The following RPGRIP1 variants were observed in gnomAD, a reference collection of about 807,000 sequenced individuals.
RPGRIP1 encodes RPGR interacting protein 1.
In RPGRIP1, 128 loss-of-function variants were observed where a neutral mutation model predicts 157.9. The ratio of observed to expected loss-of-function variants is 0.81; its 90% CI spans 0.70 to 0.94. RPGRIP1 has a LOEUF of 0.94. RPGRIP1 is among the 40% of genes least tolerant of loss of function. RPGRIP1 has a pLI of 0.00. For synonymous variants in RPGRIP1, 554 were observed against 571.6 expected (o/e 0.97, Z 0.44); for missense variants, 1,486 against 1,545.8 (o/e 0.96, Z 0.65).
At chr14:21,329,101 G>C (rs1057247618) in intron 19 of RPGRIP1, among the ~76,000 whole-genome samples, 1 of 145,834 alleles carries the variant, frequency 6.9e-6, no homozygotes, top group African/African-American at 2.6e-5. Context: ...CTAAGATCGC[G>C]CCATTGCACT....
chr14:21,324,734 C>G lies in RPGRIP1; in HGVS notation c.1879C>G (p.Leu627Val). 1 of 1,614,018 alleles carries G rather than the reference C, an allele frequency of 6.2e-7. No homozygotes were observed. The highest frequency in any genetic ancestry group is 8.5e-7 in the Non-Finnish European group (1 of 1,179,896). The change falls in exon 15 of 25, where the codon CTT becomes GTT. Residue 627 changes from leucine (L) to valine (V), a missense_variant. Transcript: ENST00000400017. The stretch of plus-strand genomic sequence containing the variant: ...TTCTCTGCTGCATCAGGGTGAGAAT[C>G]TTTTTGAACTGCACATCCACCAGGC... ...DISLLHQGEN[L>V]FELHIHQAFL... is the part of the protein sequence containing the mutation.
chr14:21,309,081 A>G (rs1881439213), intron 7 of RPGRIP1, among the ~76,000 whole-genome samples: 1 of 152,220 alleles, frequency 6.6e-6, no homozygotes, highest in Non-Finnish European at 1.5e-5. Flanking sequence ...TCCCGGCTGT[A>G]AGAGCCAGGG....
intron 2 of RPGRIP1, among the ~76,000 whole-genome samples, chr14:21,291,328 A>G (rs991561680): frequency 1.3e-5 from 2 of 152,166 alleles, no homozygotes; most frequent in Non-Finnish European, 2.9e-5. Context: ...TTCAAGTTAG[A>G]AGAGTCATAG....
intron 17 of RPGRIP1, 49 bp downstream of exon 17, chr14:21,326,222 C>A: frequency 1.6e-6 from 2 of 1,229,706 alleles, no homozygotes; most frequent in South Asian, 1.5e-5. Context: ...CCAGTGTTGT[C>A]TCCCTGTCCT....
rs1240709611 is a variant in RPGRIP1, at chr14:21,288,012, G to T, written c.36G>T (p.Leu12Phe). The T allele has an allele frequency of 1.2e-6, 2 of 1,613,620 alleles. No individual in the cohort carries two copies. The highest frequency in any genetic ancestry group is 2.2e-5 in the South Asian group (2 of 91,062). The stretch of plus-strand genomic sequence containing the variant: ...TGGTGGACCCTACATCAGGAGACTT[G>T]CCAGTTAGAGACATAGATGCTATAC... ...SHLVDPTSGDLPVRDIDAIPL... is the reference protein window; with the variant it reads ...SHLVDPTSGDFPVRDIDAIPL... The change falls in exon 2 of 25, where the codon TTG becomes TTT. Residue 12 changes from leucine to phenylalanine, a missense_variant. Leu to Phe is a conservative substitution (Grantham distance 22). Transcript: ENST00000400017.
At chr14:21,330,893 C>T (rs1432907979) in intron 20 of RPGRIP1, among the ~76,000 whole-genome samples, 1 of 151,442 alleles carries the variant, frequency 6.6e-6, no homozygotes, top group African/African-American at 2.4e-5. Context: ...GTTATTTTGC[C>T]CCAGGATTTT....
At chr14:21,318,216 C>G (rs1352861940) in intron 11 of RPGRIP1, 2 of 447,936 alleles carry the variant, frequency 4.5e-6, no homozygotes, top group Non-Finnish European at 8.8e-6. Flanking sequence ...AAGCGATTCT[C>G]CTATCTCAGC....
intron 6 of RPGRIP1, 23 bp from the exon 7 acceptor site, chr14:21,307,708 T>C: frequency 7.0e-7 from 1 of 1,429,784 alleles, no homozygotes; most frequent in Non-Finnish European, 9.7e-7. Flanking sequence ...TCAGACAGAA[T>C]AATTTAGCGC....
At chr14:21,300,498 A>G (rs1880977112) in intron 3 of RPGRIP1, among the ~76,000 whole-genome samples, 1 of 152,190 alleles carries the variant, frequency 6.6e-6, no homozygotes, top group Non-Finnish European at 1.5e-5. Context: ...ACTAAAAGTT[A>G]TAAAGGAGTT....
intron 4 of RPGRIP1, among the ~76,000 whole-genome samples, chr14:21,301,547 C>T (rs902411490): frequency 6.6e-6 from 1 of 151,964 alleles, no homozygotes; most frequent in East Asian, 1.9e-4. Context: ...CATGGTGGCG[C>T]GCACCTGTAG....
intron 1 of RPGRIP1, among the ~76,000 whole-genome samples, chr14:21,284,540 A>ATTTTT (rs67923336): frequency 1.6e-4 from 21 of 130,450 alleles, no homozygotes; most frequent in African/African-American, 4.0e-4. Context: ...GGAGAACTAA[A>ATTTTT]TTTTTTTTTT....
intron 1 of RPGRIP1, among the ~76,000 whole-genome samples, chr14:21,286,851 A>G (rs1350127076): frequency 6.6e-6 from 1 of 151,828 alleles, no homozygotes; most frequent in African/African-American, 2.4e-5. Flanking sequence ...AAGCATATAC[A>G]TACATAGTAT....
rs371513311 is a variant in RPGRIP1, at chr14:21,321,399, T to C, written c.1608T>C (p.Tyr536=). ...LILQRKINVC[Y]QEELEAMMTK... is the part of the protein sequence containing the mutation. ...TGCAGCGCAAAATCAACGTGTGTTATCAGGTGCAAGGAAAGATGGTACAGG... is the reference window on the plus strand; with the variant it reads ...TGCAGCGCAAAATCAACGTGTGTTACCAGGTGCAAGGAAAGATGGTACAGG... Residue 536 remains tyrosine, a synonymous_variant, in exon 13 of 25, where the codon TAT becomes TAC. Transcript: ENST00000400017. 2.2e-5 allele frequency: 35 copies of C among 1,609,984 alleles called. No homozygotes were observed. In the Admixed American group the frequency reaches 4.6e-4, roughly 21 times the overall value.
At chr14:21,280,716 C>G (rs998421065) in intron 1 of RPGRIP1, among the ~76,000 whole-genome samples, 15 of 152,010 alleles carry the variant, frequency 9.9e-5, no homozygotes, top group Non-Finnish European at 7.4e-5. Context: ...TCTTCCATCC[C>G]CCACCCCCCT....
At chr14:21,326,208 C>A (rs760644012) in intron 17 of RPGRIP1, 35 bp downstream of exon 17, 1 of 1,390,888 alleles carries the variant, frequency 7.2e-7, no homozygotes, top group Admixed American at 2.1e-5. Flanking sequence ...TTCACGCCCT[C>A]TTCCCAGTGT....
intron 10 of RPGRIP1, among the ~76,000 whole-genome samples, chr14:21,316,482 TCTC>T (rs1881817605): frequency 6.6e-6 from 1 of 152,022 alleles, no homozygotes; most frequent in South Asian, 2.1e-4. Flanking sequence ...AGTGGCACGA[TCTC>T]AGCTCGCTGC....
At chr14:21,307,213 C>G (rs1881353888) in intron 6 of RPGRIP1, among the ~76,000 whole-genome samples, 1 of 152,154 alleles carries the variant, frequency 6.6e-6, no homozygotes, top group African/African-American at 2.4e-5. Flanking sequence ...GCCACCACAC[C>G]CATCTGACTT....
intron 21 of RPGRIP1, among the ~76,000 whole-genome samples, chr14:21,341,972 C>T (rs1177908361): frequency 1.3e-5 from 2 of 151,660 alleles, no homozygotes; most frequent in Admixed American, 1.3e-4. Context: ...ATGGCGGGAA[C>T]CCGGGAAGAA....
At position 21,325,272 on chromosome 14, in the gene RPGRIP1, G is replaced by T. The variant is rs1239652422; in HGVS notation, c.2256G>T (p.Met752Ile). ...GEEFGVLEYW[M>I]RLRFPIKPSL... Reference sequence around the variant, plus strand: ...AGTTCGGGGTTCTAGAGTACTGGATGAGGCTGCGTTTCCCCATAAAACCCA... The same window carrying T: ...AGTTCGGGGTTCTAGAGTACTGGATTAGGCTGCGTTTCCCCATAAAACCCA... Residue 752 changes from methionine to isoleucine, a missense_variant, in exon 16 of 25, where the codon ATG becomes ATT. By Grantham distance (10) the Met-to-Ile change is conservative (BLOSUM62 1). Coordinates refer to ENST00000400017, the MANE Select transcript of RPGRIP1 (RefSeq NM_020366.4). 6.2e-7 allele frequency: 1 copy of T among 1,613,606 alleles called. No individual in the cohort carries two copies. The highest frequency in any genetic ancestry group is 8.5e-7 in the Non-Finnish European group (1 of 1,179,786).
Sources: allele counts gnomAD v4.1 joint callset (sites outside exome capture counted in the v4.1 genomes callset), GRCh38; gene constraint gnomAD v4.1.1; transcripts MANE v1.5; gene names NCBI Gene and HGNC (gene_info 2026-07-23, HGNC 2026-07-21).